SPECC1: variants seen among roughly 807,000 people sequenced by gnomAD.
The protein encoded by SPECC1 is sperm antigen with calponin homology and coiled-coil domains 1, also known as cytospin-B.
A neutral mutation model predicts 104.1 loss-of-function variants in SPECC1; 62 were observed. That is an observed-to-expected ratio of 0.60 (90% CI 0.49 to 0.74). The LOEUF (loss-of-function observed/expected upper bound fraction) is 0.74, where lower values mean the gene tolerates loss of function less well. Among genes scored for constraint, SPECC1 ranks in the 30% least tolerant of loss-of-function variants. The pLI, the probability that SPECC1 is intolerant of heterozygous loss-of-function variation, is 0.00. For synonymous variants in SPECC1, 513 were observed against 501.6 expected (o/e 1.02, Z -0.30); for missense variants, 1,306 against 1,310.5 (o/e 1.00, Z 0.05).
chr17:20,251,221 T>C (rs1327446264), intron 9 of SPECC1, among the ~76,000 whole-genome samples: 1 of 17,422 alleles, frequency 5.7e-5, no homozygotes, highest in Middle Eastern at 0.021. Context: ...TAAGACTCTA[T>C]CTCAAAAAAA....
At chr17:20,043,455 G>A (rs949084979) in intron 1 of SPECC1, among the ~76,000 whole-genome samples, 2 of 152,168 alleles carry the variant, frequency 1.3e-5, no homozygotes, top group African/African-American at 4.8e-5. Context: ...ATTCTTCCAT[G>A]AAGAAGAGCT....
chr17:20,279,899 C>A (rs1416911766), intron 12 of SPECC1, among the ~76,000 whole-genome samples: 4 of 152,172 alleles, frequency 2.6e-5, no homozygotes, highest in African/African-American at 7.2e-5. Context: ...GTGGCTGACA[C>A]ACGCTGCAAC....
chr17:20,162,776 G>A (rs561261960), intron 3 of SPECC1, among the ~76,000 whole-genome samples: 1 of 152,126 alleles, frequency 6.6e-6, no homozygotes, highest in African/African-American at 2.4e-5. Context: ...GCCTGTAATC[G>A]CAGCACTTTG....
At chr17:20,220,288 T>C (rs912425262) in intron 4 of SPECC1, among the ~76,000 whole-genome samples, 45 of 152,138 alleles carry the variant, frequency 3.0e-4, no homozygotes, top group Non-Finnish European at 8.8e-5. Flanking sequence ...ACATATTGAC[T>C]TATCCAGTCT....
At chr17:20,054,557 A>C (rs549903484) in intron 1 of SPECC1, among the ~76,000 whole-genome samples, 1 of 152,058 alleles carries the variant, frequency 6.6e-6, no homozygotes, top group East Asian at 1.9e-4. Context: ...TTGTCTCTCA[A>C]TGTCTGTTTT....
chr17:20,316,867 C>T lies in SPECC1; in HGVS notation c.*2802C>T, dbSNP rs1432336520. On this transcript the variant is annotated 3_prime_UTR_variant, in exon 15 of 15. Coordinates refer to ENST00000395527, the MANE Select transcript of SPECC1 (RefSeq NM_001243439.2). ...GAACCAGCTCTGAGCAATGGCGTTGCGGTGTCCCTCCCTCCCCGCTGGGGC... is the reference window on the plus strand; with the variant it reads ...GAACCAGCTCTGAGCAATGGCGTTGTGGTGTCCCTCCCTCCCCGCTGGGGC... The T allele has an allele frequency of 1.4e-5, 3 of 211,824 alleles. No individual in the cohort carries two copies. The highest frequency in any genetic ancestry group is 1.4e-4 in the East Asian group (2 of 14,444). The allele number at this position is 211,824 out of a possible 1,614,324, so 13.1% of individuals were successfully genotyped here.
Position 20,310,703 on chromosome 17 carries a change from G to A in SPECC1, c.3118-3273G>A, listed in dbSNP as rs539653419. ...CACTGAGTGCCAGCATGCCCACCAG[G>A]ACAGCTGCTGCAGGACTGGGTGCTG... On this transcript the variant is annotated intron_variant, in intron 14 of 14. Coordinates refer to ENST00000395527, the MANE Select transcript of SPECC1 (RefSeq NM_001243439.2). Among the ~76,000 whole-genome samples, 3 of 152,354 alleles carry A rather than the reference G, an allele frequency of 2.0e-5. No individual in the cohort carries two copies. The South Asian group carries it at 6.2e-4, about 32-fold the overall frequency.
chr17:20,029,357 G>T (rs9900562), intron 1 of SPECC1, among the ~76,000 whole-genome samples: 8 of 152,332 alleles, frequency 5.3e-5, no homozygotes, highest in African/African-American at 1.9e-4. Context: ...TTTGTATATT[G>T]GTTTTCTATC....
At chr17:20,306,143 A>G (rs780321865) in intron 14 of SPECC1, 61 bp downstream of exon 14, 4 of 1,508,206 alleles carry the variant, frequency 2.7e-6, no homozygotes, top group Non-Finnish European at 9.2e-7. Context: ...ACTTTATGCC[A>G]TCTGATAAAC....
intron 7 of SPECC1, among the ~76,000 whole-genome samples, chr17:20,236,021 C>T (rs2038889792): frequency 6.6e-6 from 1 of 152,182 alleles, no homozygotes; most frequent in South Asian, 2.1e-4. Flanking sequence ...TAATGGGTCA[C>T]AGCCGCTCAG....
chr17:20,203,297 A>T (rs1316454543), intron 3 of SPECC1, among the ~76,000 whole-genome samples: 1 of 141,988 alleles, frequency 7.0e-6, no homozygotes, highest in Non-Finnish European at 1.5e-5. Context: ...AAAAAAAAAA[A>T]GTCCAGGATT....
intron 3 of SPECC1, among the ~76,000 whole-genome samples, chr17:20,186,576 C>CTT (rs2035294700): frequency 1.3e-5 from 2 of 152,136 alleles, no homozygotes; most frequent in South Asian, 4.1e-4. Flanking sequence ...TATGTATCTG[C>CTT]TTATGAGACA....
chr17:20,068,977 A>G (rs866400027), intron 1 of SPECC1, among the ~76,000 whole-genome samples: 1 of 151,924 alleles, frequency 6.6e-6, no homozygotes, highest in Middle Eastern at 3.4e-3. Flanking sequence ...TTTTTAACTT[A>G]TTTTAGGTTC....
intron 1 of SPECC1, among the ~76,000 whole-genome samples, chr17:20,058,465 C>T (rs1346730168): frequency 6.6e-6 from 1 of 152,050 alleles, no homozygotes; most frequent in Non-Finnish European, 1.5e-5. Flanking sequence ...TGAGACCAGT[C>T]TGGGCAACAT....
intron 4 of SPECC1, among the ~76,000 whole-genome samples, chr17:20,214,503 A>G (rs2037358712): frequency 1.3e-5 from 2 of 152,032 alleles, no homozygotes; most frequent in African/African-American, 2.4e-5. Flanking sequence ...AAAGACATTC[A>G]TTTTATTTAC....
chr17:20,185,064 C>G (rs976308806), intron 3 of SPECC1: 1 of 152,210 alleles, frequency 6.6e-6, no homozygotes, highest in Non-Finnish European at 1.5e-5. Context: ...GGTTCGATGT[C>G]TAAACACTTC....
At chr17:20,036,240 G>C (rs769866373) in intron 1 of SPECC1, among the ~76,000 whole-genome samples, 4 of 151,834 alleles carry the variant, frequency 2.6e-5, no homozygotes, top group African/African-American at 9.7e-5. Flanking sequence ...AGCAATTCTC[G>C]TGCCTCAGCC....
At chr17:20,171,739 A>T (rs2526464) in intron 3 of SPECC1, among the ~76,000 whole-genome samples, 1 of 151,810 alleles carries the variant, frequency 6.6e-6, no homozygotes, top group African/African-American at 2.4e-5. Flanking sequence ...TAGTAGAGGT[A>T]GGGTCTTGCT....
intron 1 of SPECC1, among the ~76,000 whole-genome samples, chr17:20,038,892 C>T (rs1485222577): frequency 6.6e-6 from 1 of 152,176 alleles, no homozygotes; most frequent in African/African-American, 2.4e-5. Flanking sequence ...CAGTAGAGCA[C>T]ACTCTGTATG....
Sources: gnomAD v4.1 joint callset for allele counts (sites outside exome capture counted in the v4.1 genomes callset) on GRCh38, gnomAD v4.1.1 for gene constraint, MANE v1.5 for transcripts, NCBI Gene and HGNC (gene_info 2026-07-23, HGNC 2026-07-21) for gene names.